Variants in GOSR2 observed in about 807,000 individuals in gnomAD.
GOSR2 encodes the protein 27 kDa Golgi SNARE protein.
Under a neutral mutation model 27.9 loss-of-function variants are expected in GOSR2, and 20 were observed. That is an observed-to-expected ratio of 0.72 (90% CI 0.50 to 1.04). GOSR2 has a LOEUF of 1.04. Among genes scored for constraint, GOSR2 ranks in the 50% least tolerant of loss-of-function variants. GOSR2 has a pLI of 0.00. For synonymous variants in GOSR2, 91 were observed against 98.8 expected (o/e 0.92, Z 0.47); for missense variants, 261 against 270.5 (o/e 0.97, Z 0.25).
chr17:46,945,320 A>C (rs1344687203), downstream of GOSR2, among the ~76,000 whole-genome samples: 8 of 152,244 alleles, frequency 5.3e-5, no homozygotes, highest in South Asian at 1.0e-3. Context: ...CTGAGATGCT[A>C]CTGAGAGCTG....
chr17:46,950,105 T>C (rs898031424), intron 6 of GOSR2, among the ~76,000 whole-genome samples: 5 of 152,254 alleles, frequency 3.3e-5, no homozygotes, highest in African/African-American at 1.2e-4. Context: ...GAGAACCCAC[T>C]TTCATATCAT....
intron 6 of GOSR2, chr17:46,955,615 A>G (rs2090659054): frequency 6.6e-6 from 1 of 152,228 alleles, no homozygotes; most frequent in African/African-American, 2.4e-5. Flanking sequence ...TCTGAGGCCA[A>G]GCACACCTCT....
At chr17:46,966,223 C>T (rs190697826) in intron 6 of GOSR2, among the ~76,000 whole-genome samples, 12 of 152,258 alleles carry the variant, frequency 7.9e-5, no homozygotes, top group Admixed American at 3.3e-4. Flanking sequence ...ACAGAAAAAT[C>T]AAGGCATGGC....
At chr17:46,934,617 C>T (rs1207220895) in intron 4 of GOSR2, among the ~76,000 whole-genome samples, 1 of 152,184 alleles carries the variant, frequency 6.6e-6, no homozygotes, top group African/African-American at 2.4e-5. Flanking sequence ...AGCTAAAGGA[C>T]ACGAGCAAAC....
chr17:46,962,979 A>G (rs1461905062), intron 6 of GOSR2, among the ~76,000 whole-genome samples: 2 of 152,236 alleles, frequency 1.3e-5, no homozygotes, highest in African/African-American at 4.8e-5. Context: ...CTCCCATTTT[A>G]TAAATGAAGA....
chr17:46,947,660 G>A (rs1055243879), intron 6 of GOSR2, among the ~76,000 whole-genome samples: 8 of 152,128 alleles, frequency 5.3e-5, no homozygotes, highest in Non-Finnish European at 8.8e-5. Context: ...CCTGACCTTG[G>A]GCTAATCACC....
chr17:46,932,379 C>T lies in GOSR2; in HGVS notation c.336+180C>T, dbSNP rs188872074. On this transcript the variant is annotated intron_variant, in intron 4 of 5. Transcript: ENST00000640051. Reference sequence around the variant, plus strand: ...GAGACTAGACCTAGACAGAGAATCCCTTTTTCTAAGACAAAAACCTGAAGA... The same window carrying T: ...GAGACTAGACCTAGACAGAGAATCCTTTTTTCTAAGACAAAAACCTGAAGA... 4 of 678,196 alleles carry T rather than the reference C, an allele frequency of 5.9e-6. No individual in the cohort carries two copies. In the East Asian group the frequency reaches 8.1e-5, roughly 14 times the overall value. The allele number at this position is 678,196 out of a possible 1,614,324, so 42.0% of individuals were successfully genotyped here.
intron 6 of GOSR2, among the ~76,000 whole-genome samples, chr17:46,950,450 A>G (rs1266200059): frequency 6.6e-6 from 1 of 152,226 alleles, no homozygotes; most frequent in Non-Finnish European, 1.5e-5. Context: ...CAGAGCCAAA[A>G]GCCCATACTA....
chr17:46,935,132 T>C lies in GOSR2; in HGVS notation c.440T>C (p.Ile147Thr), dbSNP rs781471041. 6.2e-7 allele frequency: 1 copy of C among 1,614,074 alleles called. No individual in the cohort carries two copies. The highest frequency in any genetic ancestry group is 8.5e-7 in the Non-Finnish European group (1 of 1,179,894). ...MDDLILDGHNILDGLRTQRLT... is the reference protein window; with the variant it reads ...MDDLILDGHNTLDGLRTQRLT... ...GACCTCATTTTAGATGGGCACAATA[T>C]TTTAGATGGACTGAGGACCCAGAGA... Residue 147 changes from isoleucine to threonine, a missense_variant, in exon 5 of 6, where the codon ATT becomes ACT. Ile to Thr is a moderately conservative substitution (Grantham distance 89). Transcript: ENST00000640051.
intron 6 of GOSR2, among the ~76,000 whole-genome samples, chr17:46,963,504 C>A (rs2091178964): frequency 6.7e-6 from 1 of 149,418 alleles, no homozygotes; most frequent in African/African-American, 2.5e-5. Context: ...AAGATCACAC[C>A]ACGCACTCCA....
At chr17:46,937,817 T>C (rs1304337172) in intron 5 of GOSR2, 4 of 152,502 alleles carry the variant, frequency 2.6e-5, no homozygotes, top group Non-Finnish European at 4.4e-5. Context: ...AGGTTTACCA[T>C]AGTTTGTTCA....
At chr17:46,966,452 A>C in intron 6 of GOSR2, 7 of 601,942 alleles carry the variant, frequency 1.2e-5, no homozygotes, top group Admixed American at 2.5e-5. Flanking sequence ...GGCTTAAGCA[A>C]TCCTCCCATC....
At chr17:46,970,028 C>G (rs2091375189), downstream of GOSR2, among the ~76,000 whole-genome samples, 1 of 152,216 alleles carries the variant, frequency 6.6e-6, no homozygotes. Flanking sequence ...CAGCTAACCT[C>G]TCTGAGCTTC....
At chr17:46,951,268 A>C (rs1194120116) in intron 6 of GOSR2, among the ~76,000 whole-genome samples, 1 of 152,160 alleles carries the variant, frequency 6.6e-6, no homozygotes, top group Non-Finnish European at 1.5e-5. Flanking sequence ...GGCCGCCCAC[A>C]GTGAAGTCTG....
At chr17:46,929,051 T>G (rs1434380909) in intron 1 of GOSR2, among the ~76,000 whole-genome samples, 1 of 152,096 alleles carries the variant, frequency 6.6e-6, no homozygotes, top group African/African-American at 2.4e-5. Flanking sequence ...CATTCCTCAT[T>G]ATGTTGTTTC....
At chr17:46,942,766 T>C (rs1043028977), downstream of GOSR2, among the ~76,000 whole-genome samples, 1 of 152,230 alleles carries the variant, frequency 6.6e-6, no homozygotes, top group Non-Finnish European at 1.5e-5. Context: ...TTAGGCCTGC[T>C]GTACTTAGAA....
In GOSR2 at chr17:46,935,021, T is replaced by C; in HGVS notation, c.337-8T>C. On this transcript the variant is annotated splice_polypyrimidine_tract_variant and splice_region_variant and intron_variant, in intron 4 of 5. Transcript: ENST00000640051. ...AAAGTTAATCAAGTGCCTGTGTTTC[T>C]TTCACAGGACTCTGACACCACCATA... is the stretch of plus-strand genomic sequence containing the variant. 1.2e-6 allele frequency: 2 copies of C among 1,611,952 alleles called. No individual in the cohort carries two copies. Among genetic ancestry groups the C allele is most frequent in the Non-Finnish European group, 1.7e-6 (2 of 1,177,940 alleles).
chr17:46,923,535 C>T (rs1478357616), intron 1 of GOSR2: 1 of 1,335,644 alleles, frequency 7.5e-7, no homozygotes, highest in African/African-American at 1.5e-5. Flanking sequence ...CAGCACTTGT[C>T]AACTCGGTGC....
intron 5 of GOSR2, chr17:46,936,181 C>T: frequency 1.0e-6 from 1 of 985,580 alleles, no homozygotes; most frequent in Non-Finnish European, 1.2e-6. Context: ...TGAGAGCCAC[C>T]TGCAGTGACC....
Sources: gnomAD v4.1 joint callset for allele counts (sites outside exome capture counted in the v4.1 genomes callset) on GRCh38, gnomAD v4.1.1 for gene constraint, MANE v1.5 for transcripts, NCBI Gene and HGNC (gene_info 2026-07-23, HGNC 2026-07-21) for gene names.